The following TAOK1 variants were observed in gnomAD, a reference collection of about 807,000 sequenced individuals.
TAOK1 encodes the protein TAO kinase 1.
In TAOK1, 21 loss-of-function variants were observed where a neutral mutation model predicts 138.3. The ratio of observed to expected loss-of-function variants is 0.15; its 90% confidence interval spans 0.11 to 0.22. The LOEUF is 0.22. Ranked by LOEUF, TAOK1 falls within the 10% of genes least tolerant of loss-of-function variation. The pLI is 1.00. For synonymous variants in TAOK1, 361 were observed against 398.4 expected, an observed-to-expected ratio of 0.91 and a Z score of 1.12; for missense variants, 651 against 1,227.7, an observed-to-expected ratio of 0.53 and a Z score of 7.02.
intron 1 of TAOK1, among the ~76,000 whole-genome samples, chr17:29,448,287 C>A (rs1451689262): frequency 6.6e-6 from 1 of 151,996 alleles, no homozygotes; most frequent in Non-Finnish European, 1.5e-5. Context: ...TAGGCGCTCT[C>A]AAAAACACAT....
intron 1 of TAOK1, among the ~76,000 whole-genome samples, chr17:29,418,312 T>C (rs1772696738): frequency 6.6e-6 from 1 of 152,196 alleles, no homozygotes; most frequent in African/African-American, 2.4e-5. Context: ...GACTCCTTAG[T>C]AGCTAGGACT....
At chr17:29,421,313 C>A (rs1284912509) in intron 1 of TAOK1, among the ~76,000 whole-genome samples, 1 of 152,124 alleles carries the variant, frequency 6.6e-6, no homozygotes, top group Non-Finnish European at 1.5e-5. Flanking sequence ...ATGTTATATT[C>A]TTTTTATAAA....
chr17:29,427,522 C>T (rs12451846), intron 1 of TAOK1, among the ~76,000 whole-genome samples: 21,999 of 142,464 alleles, frequency 0.15, 1,867 homozygotes, highest in Admixed American at 0.21. Flanking sequence ...CTTTGAACTC[C>T]GTCTCAAAAA....
At chr17:29,485,737 C>T (rs1056503597) in intron 8 of TAOK1, among the ~76,000 whole-genome samples, 3 of 152,168 alleles carry the variant, frequency 2.0e-5, no homozygotes, top group African/African-American at 4.8e-5. Flanking sequence ...AAAATTTGAA[C>T]CCATTTATCT....
At chr17:29,540,542 T>G (rs1440771882) in intron 19 of TAOK1, among the ~76,000 whole-genome samples, 2 of 151,944 alleles carry the variant, frequency 1.3e-5, no homozygotes, top group African/African-American at 4.8e-5. Context: ...TTTTTCTTTT[T>G]GTTTTTGGGT....
At chr17:29,541,546 C>A (rs1005604932) in intron 19 of TAOK1, among the ~76,000 whole-genome samples, 4 of 151,398 alleles carry the variant, frequency 2.6e-5, no homozygotes. Flanking sequence ...GAGGCTGAGG[C>A]GGGAGGATCA....
chr17:29,502,283 A>G (rs1439306545), intron 12 of TAOK1, among the ~76,000 whole-genome samples: 2 of 152,198 alleles, frequency 1.3e-5, no homozygotes, highest in Non-Finnish European at 2.9e-5. Flanking sequence ...AAATAAAATT[A>G]GCCTGGCCTG....
rs1567736989 is a variant in TAOK1 at position 29,502,689 on chromosome 17, G to T, written c.1304G>T (p.Arg435Leu). The change falls in exon 13 of 20, where the codon CGA becomes CTA. Residue 435 changes from arginine (R) to leucine (L), a missense_variant. Physicochemically the swap from Arg to Leu is moderately radical, Grantham distance 102. Coordinates refer to ENST00000261716, the MANE Select transcript of TAOK1 (RefSeq NM_020791.4). ...CGTCACAAATCACACTATCGTAATCGAGAACACTTTGCTACTATACGGACA... is the reference window on the plus strand; with the variant it reads ...CGTCACAAATCACACTATCGTAATCTAGAACACTTTGCTACTATACGGACA... The part of the protein sequence containing the change: ...VSRHKSHYRN[R>L]EHFATIRTAS... The T allele has an allele frequency of 3.1e-6, 5 of 1,613,636 alleles. No individual in the cohort carries two copies. Among genetic ancestry groups the T allele is most frequent in the Non-Finnish European group, 4.2e-6 (5 of 1,179,964 alleles).
At chr17:29,478,146 C>A in intron 5 of TAOK1, 105 bp from the exon 6 acceptor site, 2 of 665,888 alleles carry the variant, frequency 3.0e-6, no homozygotes, top group Non-Finnish European at 4.8e-6. Context: ...GAAAATAAAT[C>A]TCTTCTTGCT....
At chr17:29,466,431 A>G (rs1465013858) in intron 2 of TAOK1, among the ~76,000 whole-genome samples, 4 of 152,222 alleles carry the variant, frequency 2.6e-5, no homozygotes, top group Admixed American at 2.0e-4. Context: ...GGTGTGAGCC[A>G]CCACGCCCAG....
intron 1 of TAOK1, among the ~76,000 whole-genome samples, chr17:29,419,071 C>T (rs930166532): frequency 6.6e-6 from 1 of 151,866 alleles, no homozygotes; most frequent in African/African-American, 2.4e-5. Context: ...GTCTCCCAGT[C>T]TATGAATTTA....
intron 1 of TAOK1, among the ~76,000 whole-genome samples, chr17:29,437,734 C>CTTTTTT (rs11447325): frequency 8.0e-6 from 1 of 124,238 alleles, no homozygotes; most frequent in Non-Finnish European, 1.6e-5. Context: ...TTATATTCTT[C>CTTTTTT]TTTTTTTTTT....
At position 29,491,662 on chromosome 17, in the gene TAOK1, C is replaced by G. The variant is rs1286202021; in HGVS notation, c.750-122C>G. On this transcript the variant is annotated intron_variant, in intron 9 of 19. Coordinates refer to ENST00000261716, the MANE Select transcript of TAOK1 (RefSeq NM_020791.4). ...AGACTTATATGAAACTGTATAGTCT[C>G]TGCTTTTTTTTAATCATTCCCTTTC... The G allele has an allele frequency of 4.3e-6, 3 of 696,746 alleles. No individual in the cohort carries two copies. In the Admixed American group the frequency reaches 6.6e-5, roughly 15 times the overall value. 43.2% of individuals were successfully genotyped at this position (696,746 alleles called of 1,614,324 possible).
intron 2 of TAOK1, among the ~76,000 whole-genome samples, chr17:29,463,788 A>G (rs2030588673): frequency 6.6e-6 from 1 of 152,206 alleles, no homozygotes; most frequent in African/African-American, 2.4e-5. Flanking sequence ...TGAAAAGACA[A>G]CAGGAGAAAA....
intron 17 of TAOK1, among the ~76,000 whole-genome samples, chr17:29,529,605 G>C (rs560306499): frequency 6.6e-6 from 1 of 152,022 alleles, no homozygotes; most frequent in South Asian, 2.1e-4. Flanking sequence ...AGTGGTTCAC[G>C]CCTGTAATCC....
Position 29,517,889 on chromosome 17 carries a change from C to T in TAOK1, c.1908+233C>T, listed in dbSNP as rs115595661. On this transcript the variant is annotated intron_variant, in intron 16 of 19. Coordinates refer to ENST00000261716, the MANE Select transcript of TAOK1 (RefSeq NM_020791.4). ...ATTTTTTTTTTCAAGACAGTCTCTC[C>T]ATGTCGCCAAGTATGGAGTGCAGTG... is the stretch of plus-strand genomic sequence containing the variant. Among the ~76,000 whole-genome samples, 755 of 152,180 alleles carry T rather than the reference C, an allele frequency of 5.0e-3. 12 individuals carry two copies. The highest frequency in any genetic ancestry group is 0.018 in the African/African-American group (729 of 41,522).
intron 17 of TAOK1, among the ~76,000 whole-genome samples, chr17:29,524,315 G>A (rs954924454): frequency 2.0e-5 from 3 of 152,118 alleles, no homozygotes; most frequent in African/African-American, 7.2e-5. Context: ...TGATTTTAAA[G>A]CCAACAGCAC....
chr17:29,428,190 A>G (rs1405243218), intron 1 of TAOK1, among the ~76,000 whole-genome samples: 1 of 152,182 alleles, frequency 6.6e-6, no homozygotes, highest in East Asian at 1.9e-4. Flanking sequence ...GAGAGGTAAT[A>G]TCTCAAAAGG....
chr17:29,393,927 A>AT (rs1904507504), intron 1 of TAOK1, among the ~76,000 whole-genome samples: 1 of 152,068 alleles, frequency 6.6e-6, no homozygotes, highest in Non-Finnish European at 1.5e-5. Context: ...TAATTATCGT[A>AT]TTTTTTATAA....
Sources: gnomAD v4.1 joint callset for allele counts (sites outside exome capture counted in the v4.1 genomes callset) on GRCh38, gnomAD v4.1.1 for gene constraint, MANE v1.5 for transcripts, NCBI Gene and HGNC (gene_info 2026-07-23, HGNC 2026-07-21) for gene names.